FHIT: variants seen among roughly 807,000 people sequenced by gnomAD.
FHIT encodes fragile histidine triad diadenosine triphosphatase, also known as bis(5'-adenosyl)-triphosphatase.
A neutral mutation model predicts 17.9 loss-of-function variants in FHIT; 19 were observed. That is an observed-to-expected ratio of 1.06 (90% CI 0.74 to 1.56). The LOEUF is 1.56. Among genes scored for constraint, FHIT ranks in the 40% most tolerant of loss-of-function variants. The pLI is 0.00. For missense variants in FHIT, 248 were observed against 189.2 expected (o/e 1.31, Z -1.82); for synonymous variants, 81 against 69.7 (o/e 1.16, Z -0.81).
chr3:61,169,216 G>GAT (rs1305528769), intron 2 of FHIT, among the ~76,000 whole-genome samples: 1 of 152,132 alleles, frequency 6.6e-6, no homozygotes, highest in Non-Finnish European at 1.5e-5. Context: ...ATAACTGATA[G>GAT]ATATATATAA....
intron 5 of FHIT, among the ~76,000 whole-genome samples, chr3:60,061,239 G>A (rs191049967): frequency 1.2e-4 from 18 of 152,314 alleles, no homozygotes; most frequent in Admixed American, 5.2e-4. Flanking sequence ...GCCACACAGC[G>A]AAAGGACCTG....
At chr3:60,968,416 G>C (rs908361684) in intron 3 of FHIT, among the ~76,000 whole-genome samples, 1 of 131,488 alleles carries the variant, frequency 7.6e-6, no homozygotes, top group Non-Finnish European at 1.6e-5. Context: ...GTCTGCTGTA[G>C]GACTTTTTTT....
At chr3:60,312,632 T>C (rs147582183) in intron 5 of FHIT, among the ~76,000 whole-genome samples, 3 of 152,174 alleles carry the variant, frequency 2.0e-5, no homozygotes, top group Non-Finnish European at 2.9e-5. Context: ...GCATTTCCAA[T>C]AGGTTCCTAG....
At chr3:60,842,833 G>T (rs530742473) in intron 3 of FHIT, among the ~76,000 whole-genome samples, 1 of 151,596 alleles carries the variant, frequency 6.6e-6, no homozygotes, top group Admixed American at 6.6e-5. Flanking sequence ...AGGATCACCC[G>T]TACTACTGTG....
chr3:60,141,751 A>G (rs1700047955), intron 5 of FHIT, among the ~76,000 whole-genome samples: 1 of 152,184 alleles, frequency 6.6e-6, no homozygotes, highest in Non-Finnish European at 1.5e-5. Context: ...TTCCAGTTTA[A>G]TTTCCACGTT....
chr3:60,351,982 A>G (rs543777529), intron 5 of FHIT, among the ~76,000 whole-genome samples: 53 of 152,266 alleles, frequency 3.5e-4, no homozygotes, highest in African/African-American at 1.2e-3. Context: ...TGCAATCTCC[A>G]TCATTTCACT....
chr3:60,852,639 T>G (rs1479445688), intron 3 of FHIT, among the ~76,000 whole-genome samples: 1 of 152,066 alleles, frequency 6.6e-6, no homozygotes, highest in Non-Finnish European at 1.5e-5. Flanking sequence ...CTTTGTATAT[T>G]ATATTAAAAT....
intron 5 of FHIT, among the ~76,000 whole-genome samples, chr3:60,442,412 C>T (rs1371629179): frequency 6.6e-6 from 1 of 152,104 alleles, no homozygotes; most frequent in Non-Finnish European, 1.5e-5. Context: ...TAAGATCTAA[C>T]ATTTAAGTCT....
chr3:60,752,050 A>G (rs1432501504), intron 4 of FHIT, among the ~76,000 whole-genome samples: 3 of 152,228 alleles, frequency 2.0e-5, no homozygotes, highest in African/African-American at 7.2e-5. Context: ...TAAAATGTTT[A>G]TAAAATTTTG....
At chr3:60,127,077 A>G (rs1482319337) in intron 5 of FHIT, among the ~76,000 whole-genome samples, 2 of 152,168 alleles carry the variant, frequency 1.3e-5, no homozygotes, top group Non-Finnish European at 2.9e-5. Context: ...GAGATCAGGT[A>G]CCTTATCACT....
intron 5 of FHIT, among the ~76,000 whole-genome samples, chr3:60,183,887 A>T: frequency 6.6e-6 from 1 of 152,184 alleles, no homozygotes; most frequent in South Asian, 2.1e-4. Context: ...CAGAGTTCCC[A>T]TATATGCCAC....
At chr3:60,844,928 A>G (rs1488516198) in intron 3 of FHIT, among the ~76,000 whole-genome samples, 3 of 152,008 alleles carry the variant, frequency 2.0e-5, no homozygotes, top group African/African-American at 7.2e-5. Context: ...TTATTCACTA[A>G]CTATGTTACA....
At chr3:59,986,536 T>TAA (rs1337684679) in intron 7 of FHIT, among the ~76,000 whole-genome samples, 2 of 11,554 alleles carry the variant, frequency 1.7e-4, no homozygotes, top group African/African-American at 9.6e-4. Flanking sequence ...TATATATATA[T>TAA]ATATACACAC....
intron 3 of FHIT, among the ~76,000 whole-genome samples, chr3:60,979,778 C>G (rs1016172824): frequency 2.0e-5 from 3 of 152,312 alleles, no homozygotes; most frequent in East Asian, 1.9e-4. Context: ...GATCTGCATT[C>G]CGCTGTTCTC....
At chr3:59,887,058 T>C (rs1703654457) in intron 8 of FHIT, among the ~76,000 whole-genome samples, 1 of 151,518 alleles carries the variant, frequency 6.6e-6, no homozygotes, top group Non-Finnish European at 1.5e-5. Context: ...TAAGTGTGTA[T>C]GGAGCAGGGA....
chr3:59,893,220 C>T (rs1256614212), intron 8 of FHIT, among the ~76,000 whole-genome samples: 1 of 152,192 alleles, frequency 6.6e-6, no homozygotes. Context: ...GTAGCCTATT[C>T]ATTAGTAGCA....
In FHIT at chr3:59,970,495, C is replaced by A. The variant is rs987822357; in HGVS notation, c.279+40876G>T. Among the ~76,000 whole-genome samples the A allele has an allele frequency of 2.0e-4, 31 of 152,028 alleles. 1 individual carries two copies. Among genetic ancestry groups the A allele is most frequent in the Non-Finnish European group, 4.4e-5 (3 of 67,986 alleles). On this transcript the variant is annotated intron_variant, in intron 7 of 9. Transcript: ENST00000492590. The stretch of plus-strand genomic sequence containing the variant: ...ATTTTACCTTTCAAAGACAAGCTGA[C>A]AAATTTATTTTGTCACGAGCAGCTG...
chr3:60,186,238 TC>T (rs1052734511), intron 5 of FHIT, among the ~76,000 whole-genome samples: 2 of 152,210 alleles, frequency 1.3e-5, no homozygotes, highest in Non-Finnish European at 2.9e-5. Context: ...CAGATTTTTT[TC>T]TAGATTTTAT....
chr3:60,102,065 C>CT (rs1704213777), intron 5 of FHIT, among the ~76,000 whole-genome samples: 1 of 152,182 alleles, frequency 6.6e-6, no homozygotes, highest in African/African-American at 2.4e-5. Context: ...GAAAAGCTGC[C>CT]TTTTGGTGGG....
Sources: gnomAD v4.1 joint callset for allele counts (sites outside exome capture counted in the v4.1 genomes callset) on GRCh38, gnomAD v4.1.1 for gene constraint, MANE v1.5 for transcripts, NCBI Gene and HGNC (gene_info 2026-07-23, HGNC 2026-07-21) for gene names.